Variants in ADAM12 observed in about 807,000 individuals in gnomAD.
ADAM12 encodes disintegrin and metalloproteinase domain-containing protein 12.
In ADAM12, 70 loss-of-function variants were observed where a neutral mutation model predicts 106.4. The observed-to-expected ratio is 0.66, with a 90% CI of 0.54 to 0.80. The LOEUF is 0.80. Ranked by LOEUF, ADAM12 falls within the 30% of genes least tolerant of loss-of-function variation. The probability of loss-of-function intolerance (pLI) is 0.00; values close to 1 mark genes in which losing one functional copy is unlikely to be tolerated. For missense variants in ADAM12, 1,010 were observed against 1,171.9 expected, an observed-to-expected ratio of 0.86 and a Z score of 2.02; for synonymous variants, 420 against 433.5, an observed-to-expected ratio of 0.97 and a Z score of 0.39.
At chr10:126,132,761 G>A (rs1956331391) in intron 5 of ADAM12, among the ~76,000 whole-genome samples, 1 of 152,040 alleles carries the variant, frequency 6.6e-6, no homozygotes, top group South Asian at 2.1e-4. Flanking sequence ...TCGTCACACA[G>A]CTAATTCACC....
At chr10:126,290,806 C>A (rs566643585) in intron 2 of ADAM12, among the ~76,000 whole-genome samples, 2 of 152,254 alleles carry the variant, frequency 1.3e-5, no homozygotes, top group African/African-American at 4.8e-5. Context: ...CTTAGCTTTC[C>A]CCCTTCTTCT....
intron 21 of ADAM12, among the ~76,000 whole-genome samples, chr10:126,027,686 A>G (rs1953899968): frequency 6.6e-6 from 1 of 152,214 alleles, no homozygotes; most frequent in South Asian, 2.1e-4. Context: ...AAAAACTCCC[A>G]ATAAACTAGG....
chr10:126,305,755 G>A (rs1960817347), intron 2 of ADAM12, among the ~76,000 whole-genome samples: 1 of 151,968 alleles, frequency 6.6e-6, no homozygotes, highest in Admixed American at 6.5e-5. Context: ...GTTTCAGATT[G>A]AAGGAAAATG....
chr10:126,285,943 T>C (rs1959834292), intron 2 of ADAM12, among the ~76,000 whole-genome samples: 1 of 151,318 alleles, frequency 6.6e-6, no homozygotes, highest in Non-Finnish European at 1.5e-5. Context: ...AAAGTGATGA[T>C]TGATTGATTG....
intron 5 of ADAM12, among the ~76,000 whole-genome samples, chr10:126,129,491 G>C (rs1466344516): frequency 6.6e-6 from 1 of 152,186 alleles, no homozygotes; most frequent in South Asian, 2.1e-4. Flanking sequence ...CTCAGTGACA[G>C]TTTGATGTCT....
At chr10:126,056,354 C>T (rs1194926763) in intron 14 of ADAM12, among the ~76,000 whole-genome samples, 1 of 152,168 alleles carries the variant, frequency 6.6e-6, no homozygotes, top group Non-Finnish European at 1.5e-5. Flanking sequence ...ATTTCATCAG[C>T]CATGTAAACA....
Position 126,071,562 on chromosome 10 carries a change from G to A in ADAM12, c.1238C>T (p.Pro413Leu), listed in dbSNP as rs1200391541. ...GCCCCCGAAAGACTCCCTGACTTCCGGCAGGTTAAACAGGCACACCCCCAT... is the reference window on the plus strand; with the variant it reads ...GCCCCCGAAAGACTCCCTGACTTCCAGCAGGTTAAACAGGCACACCCCCAT... Reference protein sequence around the residue: ...KGMGVCLFNLPEVRESFGGQK... With the variant: ...KGMGVCLFNLLEVRESFGGQK... The change falls in exon 12 of 23, where the codon CCG becomes CTG. Residue 413 changes from proline (P) to leucine (L), a missense_variant. By Grantham distance (98) the Pro-to-Leu change is moderately conservative (BLOSUM62 -3). Transcript: ENST00000448723. 11 of 1,614,076 alleles carry A rather than the reference G, an allele frequency of 6.8e-6. No homozygotes were observed. Among genetic ancestry groups the A allele is most frequent in the South Asian group, 2.2e-5 (2 of 91,066 alleles).
chr10:126,073,326 G>C (rs1169907661), intron 11 of ADAM12, among the ~76,000 whole-genome samples: 3 of 152,124 alleles, frequency 2.0e-5, no homozygotes, highest in Non-Finnish European at 1.5e-5. Flanking sequence ...GAGCTCAGGT[G>C]ATCTGCCCGC....
intron 21 of ADAM12, among the ~76,000 whole-genome samples, chr10:126,021,468 A>G (rs923601123): frequency 3.3e-5 from 5 of 152,352 alleles, no homozygotes; most frequent in Admixed American, 2.6e-4. Context: ...GTAAATCACA[A>G]GTGTCCACAG....
At chr10:126,321,630 A>T (rs1854097272) in intron 2 of ADAM12, among the ~76,000 whole-genome samples, 1 of 152,132 alleles carries the variant, frequency 6.6e-6, no homozygotes, top group Non-Finnish European at 1.5e-5. Flanking sequence ...TGCAACAATC[A>T]CATCTTGTTG....
At chr10:126,352,119 G>C (rs1260538973) in intron 1 of ADAM12, among the ~76,000 whole-genome samples, 1 of 152,082 alleles carries the variant, frequency 6.6e-6, no homozygotes, top group East Asian at 1.9e-4. Flanking sequence ...GTCAAGGGGG[G>C]AACAAATTAT....
chr10:126,190,164 T>C (rs1174806630), intron 3 of ADAM12, among the ~76,000 whole-genome samples: 1 of 151,868 alleles, frequency 6.6e-6, no homozygotes, highest in African/African-American at 2.4e-5. Flanking sequence ...GACTAGCGTG[T>C]AGCGTGCCTG....
At chr10:126,156,752 G>A (rs1956823413) in intron 3 of ADAM12, among the ~76,000 whole-genome samples, 2 of 152,238 alleles carry the variant, frequency 1.3e-5, no homozygotes, top group South Asian at 2.1e-4. Flanking sequence ...GATGGAGCAG[G>A]AGTCGGCCAG....
chr10:126,135,669 G>C lies in ADAM12; in HGVS notation c.340-9C>G, dbSNP rs747375497. Reference sequence around the variant, plus strand: ...TGGTAGTAACAGTGACCCTAAAGGGGAGGAGGAGAGAATCCCATTTCAGTT... The same window carrying C: ...TGGTAGTAACAGTGACCCTAAAGGGCAGGAGGAGAGAATCCCATTTCAGTT... On this transcript the variant is annotated splice_polypyrimidine_tract_variant and intron_variant, in intron 4 of 22. Transcript: ENST00000448723. 4 of 1,610,808 alleles carry C rather than the reference G, an allele frequency of 2.5e-6. No individual in the cohort carries two copies. The highest frequency in any genetic ancestry group is 3.4e-6 in the Non-Finnish European group (4 of 1,177,170).
At chr10:126,054,288 G>A (rs1333232833) in intron 14 of ADAM12, among the ~76,000 whole-genome samples, 30 of 152,220 alleles carry the variant, frequency 2.0e-4, no homozygotes, top group Admixed American at 2.0e-3. Context: ...TGAAGTCACA[G>A]CCGAAGAATA....
At position 126,043,015 on chromosome 10, in the gene ADAM12, A is replaced by G; in HGVS notation, c.2104+25T>C. 6.2e-7 allele frequency: 1 copy of G among 1,610,070 alleles called. No individual in the cohort carries two copies. The highest frequency in any genetic ancestry group is 8.5e-7 in the Non-Finnish European group (1 of 1,177,806). On this transcript the variant is annotated intron_variant, in intron 18 of 22. Coordinates refer to ENST00000448723, the MANE Select transcript of ADAM12 (RefSeq NM_001288973.2). This position sits in a 1 kb window ranked among gnomAD's most constrained non-coding sequence, Gnocchi z 4.1. ...GCCCCCAGGTGCTCAGCCTCCTCCC[A>G]CCGGGATGCAGGGGCTTCACTGACC...
At chr10:126,113,693 T>A (rs1189736952) in intron 6 of ADAM12, among the ~76,000 whole-genome samples, 507 of 8,698 alleles carry the variant, frequency 0.058, 18 homozygotes, top group Non-Finnish European at 0.069. Flanking sequence ...AAAAAATATA[T>A]ATATATATAT....
chr10:126,251,207 C>G (rs1265909689), intron 3 of ADAM12, among the ~76,000 whole-genome samples: 3 of 152,182 alleles, frequency 2.0e-5, no homozygotes, highest in Non-Finnish European at 1.5e-5. Flanking sequence ...GTGGTCTGGT[C>G]CTCGACCTTT....
In ADAM12 at chr10:126,071,639, C is replaced by A. The variant is rs138880367; in HGVS notation, c.1161G>T (p.Met387Ile). Residue 387 changes from methionine (M) to isoleucine (I), a missense_variant, in exon 12 of 23, where the codon ATG (methionine) becomes ATT (isoleucine). Met to Ile is a conservative substitution (Grantham distance 10, BLOSUM62 1). Coordinates refer to ENST00000448723, the MANE Select transcript of ADAM12 (RefSeq NM_001288973.2). ...MNASTGYPFP[M>I]VFSSCSRKDL... ...CCTTCCTGCTGCAACTGCTGAACAC[C>A]ATGGGAAATGGGTACCTGAGAAAGG... 1 of 1,613,958 alleles carries A rather than the reference C, an allele frequency of 6.2e-7. No homozygotes were observed. Among genetic ancestry groups the A allele is most frequent in the African/African-American group, 1.3e-5 (1 of 74,908 alleles).
Sources: gnomAD v4.1 joint callset for allele counts (sites outside exome capture counted in the v4.1 genomes callset) on GRCh38, gnomAD v4.1.1 for gene constraint, Gnocchi (gnomAD v3.1) non-coding constraint, MANE v1.5 for transcripts, NCBI Gene and HGNC (gene_info 2026-07-23, HGNC 2026-07-21) for gene names.